The following RAI1 variants were observed in gnomAD, a reference collection of about 807,000 sequenced individuals.
The protein encoded by RAI1 is retinoic acid-induced protein 1.
RAI1 carries 9 observed loss-of-function variants against 123.8 expected under a neutral mutation model. That is an observed-to-expected ratio of 0.07 (90% CI 0.04 to 0.13). The LOEUF (loss-of-function observed/expected upper bound fraction) is 0.13, where lower values mean the gene tolerates loss of function less well. RAI1 is among the 10% of genes least tolerant of loss of function. The pLI is 1.00. For missense variants in RAI1, 2,256 were observed against 2,545.8 expected (o/e 0.89, Z 2.45); for synonymous variants, 1,231 against 1,127.3 (o/e 1.09, Z -1.84).
chr17:17,751,266 G>A (rs2030158200), intron 2 of RAI1, among the ~76,000 whole-genome samples: 1 of 152,200 alleles, frequency 6.6e-6, no homozygotes, highest in Admixed American at 6.5e-5. Context: ...GGCTTTGAAG[G>A]CTAAGGTGGG....
rs2032684413 is a variant in RAI1, at chr17:17,809,820, G to A, written c.5710-150G>A. On this transcript the variant is annotated intron_variant, in intron 5 of 5. Transcript: ENST00000353383. The surrounding 1 kb of genome is among the most constrained non-coding windows in gnomAD (Gnocchi z 4.9). Reference sequence around the variant, plus strand: ...AGCTGGACGGGGTGGGGCCAGAAGGGGTGGTGCCGACGGCCTCGGGCGGAG... The same window carrying A: ...AGCTGGACGGGGTGGGGCCAGAAGGAGTGGTGCCGACGGCCTCGGGCGGAG... 9.8e-7 allele frequency: 1 copy of A among 1,017,926 alleles called. No individual in the cohort carries two copies. The highest frequency in any genetic ancestry group is 2.2e-5 in the Admixed American group (1 of 45,074). 63.1% of individuals were successfully genotyped at this position (1,017,926 alleles called of 1,614,324 possible). A position where few individuals can be genotyped will look rare whatever the true frequency, so the allele number is the denominator to read the frequency against.
intron 1 of RAI1, among the ~76,000 whole-genome samples, chr17:17,693,667 G>C (rs1422752656): frequency 1.3e-5 from 2 of 152,244 alleles, no homozygotes; most frequent in East Asian, 3.8e-4. Context: ...GAAGCCAGGC[G>C]GCAGGTAGCT....
In RAI1 at chr17:17,810,690, G is replaced by A; in HGVS notation, c.*709G>A. 34 of 388,210 alleles carry A rather than the reference G, an allele frequency of 8.8e-5. 1 individual carries two copies. The highest frequency in any genetic ancestry group is 5.8e-4 in the South Asian group (33 of 56,492). 24.0% of individuals were successfully genotyped at this position (388,210 alleles called of 1,614,324 possible). ...GGGGTTGCGGGATCCCCGAGTGTGG[G>A]CGGGACTGGGACACCCTTTGGCCTC... On this transcript the variant is annotated 3_prime_UTR_variant, in exon 6 of 6. Coordinates refer to ENST00000353383, the MANE Select transcript of RAI1 (RefSeq NM_030665.4). This position sits in a 1 kb window ranked among gnomAD's most constrained non-coding sequence, Gnocchi z 4.6.
At chr17:17,682,104 G>C (rs1282798417) in intron 1 of RAI1, among the ~76,000 whole-genome samples, 3 of 150,142 alleles carry the variant, frequency 2.0e-5, no homozygotes, top group Non-Finnish European at 4.5e-5. Flanking sequence ...GGCGAGTGTG[G>C]CAAGGGATCT....
Position 17,697,228 on chromosome 17 carries a change from G to A in RAI1, c.-149+15435G>A, listed in dbSNP as rs181936946. Among the ~76,000 whole-genome samples, 653 of 152,358 alleles carry A rather than the reference G, an allele frequency of 4.3e-3. 3 individuals are homozygous for A. The highest frequency in any genetic ancestry group is 5.9e-3 in the Non-Finnish European group (402 of 68,032). On this transcript the variant is annotated intron_variant, in intron 1 of 5. Coordinates refer to ENST00000353383, the MANE Select transcript of RAI1 (RefSeq NM_030665.4). ...CCAAGGCTTTGGGGAAAAAGCTGAA[G>A]AGACAAGAGGATGCAGGGCCCTGTA...
In RAI1 at chr17:17,697,763, GGTT is replaced by G. The variant is rs920744056; in HGVS notation, c.-149+15973_-149+15975del. ...CTGTTTGTCACTGGGACCAACGTGT[GGTT>G]GTGTGTGTGTCTGATTTGGGGAAAT... On this transcript the variant is annotated intron_variant, in intron 1 of 5. Transcript: ENST00000353383. 5.9e-5 allele frequency among the ~76,000 whole-genome samples: 9 copies of G among 152,210 alleles called. 1 individual carries two copies. Among genetic ancestry groups the G allele is most frequent in the African/African-American group, 2.2e-4 (9 of 41,442 alleles).
In RAI1 at chr17:17,685,194, A is replaced by G. The variant is rs1368356660; in HGVS notation, c.-149+3401A>G. ...GCTCCACAGGGAGGGAGGAGGTGCA[A>G]CAGCAACGGTGTGCGCAGAGCAGCG... is the stretch of plus-strand genomic sequence containing the variant. On this transcript the variant is annotated intron_variant, in intron 1 of 5. Transcript: ENST00000353383. This position sits in a 1 kb window ranked among gnomAD's most constrained non-coding sequence, Gnocchi z 4.0. The G allele has an allele frequency of 6.6e-6, 1 of 152,216 alleles. No individual in the cohort carries two copies. Among genetic ancestry groups the G allele is most frequent in the Non-Finnish European group, 1.5e-5 (1 of 68,044 alleles). 9.4% of individuals were successfully genotyped at this position (152,216 alleles called of 1,614,324 possible). A position where few individuals can be genotyped will look rare whatever the true frequency, so the allele number is the denominator to read the frequency against.
At chr17:17,790,053 C>G (rs754090773) in intron 2 of RAI1, among the ~76,000 whole-genome samples, 7 of 152,184 alleles carry the variant, frequency 4.6e-5, no homozygotes, top group Non-Finnish European at 1.0e-4. Flanking sequence ...GCTCTTTCTG[C>G]CCCCTCCTCT....
chr17:17,742,623 AAG>A (rs985905597), intron 2 of RAI1, among the ~76,000 whole-genome samples: 1 of 151,882 alleles, frequency 6.6e-6, no homozygotes, highest in Admixed American at 6.6e-5. Context: ...CTCGTTTTAA[AAG>A]AGAGAGAGAG....
intron 4 of RAI1, among the ~76,000 whole-genome samples, chr17:17,808,062 T>C (rs1275886933): frequency 2.0e-5 from 3 of 152,150 alleles, no homozygotes; most frequent in African/African-American, 7.2e-5. Flanking sequence ...AACAGGAAGA[T>C]TGTGTTGGAG....
In RAI1 at chr17:17,794,058, T is replaced by C. The variant is rs754037858; in HGVS notation, c.1110T>C (p.Phe370=). The part of the protein sequence containing the change: ...PSPLMPNLEN[F]PYSQQPLSTG... ...CGCTGATGCCAAACCTGGAGAACTTTCCCTACAGCCAGCAGCCGCTCAGCA... is the reference window on the plus strand; with the variant it reads ...CGCTGATGCCAAACCTGGAGAACTTCCCCTACAGCCAGCAGCCGCTCAGCA... The change falls in exon 3 of 6, where the codon TTT becomes TTC. Residue 370 remains phenylalanine (F), a synonymous_variant. Coordinates refer to ENST00000353383, the MANE Select transcript of RAI1 (RefSeq NM_030665.4). 1.2e-6 allele frequency: 2 copies of C among 1,613,926 alleles called. No individual in the cohort carries two copies. Among genetic ancestry groups the C allele is most frequent in the Admixed American group, 3.3e-5 (2 of 60,022 alleles).
At position 17,801,257 on chromosome 17, in the gene RAI1, C is replaced by G. The variant is rs994532184; in HGVS notation, c.5566-2499C>G. Among the ~76,000 whole-genome samples the G allele has an allele frequency of 6.6e-6, 1 of 152,146 alleles. No homozygotes were observed. The highest frequency in any genetic ancestry group is 1.5e-5 in the Non-Finnish European group (1 of 68,024). On this transcript the variant is annotated intron_variant, in intron 3 of 5. Coordinates refer to ENST00000353383, the MANE Select transcript of RAI1 (RefSeq NM_030665.4). The surrounding 1 kb of genome is among the most constrained non-coding windows in gnomAD (Gnocchi z 4.1). ...TGGAATGCTTGGGGTGAGAGGGACC[C>G]ATAGCGGGCTCCGGGCATTGTTAGG...
chr17:17,744,082 G>T (rs11078396), intron 2 of RAI1, among the ~76,000 whole-genome samples: 14,628 of 152,298 alleles, frequency 0.096, 1,016 homozygotes, highest in African/African-American at 0.19. Context: ...CTGAGTGACT[G>T]TGTGAATGGT....
chr17:17,797,261 G>T lies in RAI1; in HGVS notation c.4313G>T (p.Gly1438Val), dbSNP rs781252626. ...AFTSPEALQP[G>V]GTALAPKKRS... ...ACATCCCCGGAGGCCCTGCAGCCTG[G>T]GGGGACTGCCCTGGCGCCTAAGAAG... Residue 1438 changes from glycine (G) to valine (V), a missense_variant, in exon 3 of 6, where the codon GGG becomes GTG. This residue lies in a region of RAI1 where 410 missense variants were observed against 374.6 expected (regional missense o/e 1.09). Coordinates refer to ENST00000353383, the MANE Select transcript of RAI1 (RefSeq NM_030665.4). The T allele has an allele frequency of 3.7e-6, 6 of 1,613,184 alleles. No individual in the cohort carries two copies. Among genetic ancestry groups the T allele is most frequent in the Admixed American group, 1.7e-5 (1 of 60,030 alleles).
chr17:17,682,133 A>T (rs1304488362), intron 1 of RAI1, among the ~76,000 whole-genome samples: 1 of 112,238 alleles, frequency 8.9e-6, no homozygotes, highest in African/African-American at 3.5e-5. Context: ...CGAGGCGCGG[A>T]GTCTTTGCGG....
intron 1 of RAI1, among the ~76,000 whole-genome samples, chr17:17,705,491 A>G (rs1915363285): frequency 6.6e-6 from 1 of 152,152 alleles, no homozygotes; most frequent in South Asian, 2.1e-4. Flanking sequence ...AAATTCGGTG[A>G]GCTGAGATCG....
chr17:17,693,279 C>G (rs1312053169), intron 1 of RAI1, among the ~76,000 whole-genome samples: 1 of 151,388 alleles, frequency 6.6e-6, no homozygotes, highest in Non-Finnish European at 1.5e-5. Flanking sequence ...TCCTCCACCT[C>G]CTCTGATCAG....
chr17:17,732,135 C>T (rs574148977), intron 2 of RAI1, among the ~76,000 whole-genome samples: 1 of 152,210 alleles, frequency 6.6e-6, no homozygotes, highest in East Asian at 1.9e-4. Context: ...AGGTTCCTGC[C>T]ATCCCCATTT....
chr17:17,778,624 CT>C (rs1263050046), intron 2 of RAI1: 2 of 415,230 alleles, frequency 4.8e-6, no homozygotes, highest in Admixed American at 2.6e-5. Context: ...CCTCTCACCC[CT>C]GAAACCGGAG....
Sources: allele counts gnomAD v4.1 joint callset (sites outside exome capture counted in the v4.1 genomes callset), GRCh38; gene constraint gnomAD v4.1.1; regional missense constraint gnomAD v4.1.1; non-coding constraint Gnocchi (gnomAD v3.1); transcripts MANE v1.5; gene names NCBI Gene and HGNC (gene_info 2026-07-23, HGNC 2026-07-21).